STRADA: variants seen among roughly 807,000 people sequenced by gnomAD.
The protein encoded by STRADA is STE20 related adaptor alpha.
Under a neutral mutation model 55.0 loss-of-function variants are expected in STRADA, and 26 were observed. That is an observed-to-expected ratio of 0.47 (90% CI 0.35 to 0.66). The LOEUF (loss-of-function observed/expected upper bound fraction) is 0.66. Ranked by LOEUF, STRADA falls within the 30% of genes least tolerant of loss-of-function variation. The pLI is 0.01. For missense variants in STRADA, 443 were observed against 549.7 expected (o/e 0.81, Z 1.94); for synonymous variants, 197 against 210.9 (o/e 0.93, Z 0.57).
chr17:63,729,884 C>A (rs1454797123), intron 1 of STRADA, among the ~76,000 whole-genome samples: 1 of 150,886 alleles, frequency 6.6e-6, no homozygotes, highest in Non-Finnish European at 1.5e-5. Context: ...GTTGCCCAGG[C>A]TGAAGTGCAG....
intron 1 of STRADA, among the ~76,000 whole-genome samples, chr17:63,737,830 T>TA (rs1299677980): frequency 1.1e-4 from 17 of 151,152 alleles, no homozygotes; most frequent in African/African-American, 3.4e-4. Context: ...CTATAAAAAA[T>TA]AAAAAAACTG....
At position 63,730,397 on chromosome 17, in the gene STRADA, CT is replaced by C. The variant is rs551513709; in HGVS notation, c.-44-1985del. Among the ~76,000 whole-genome samples, 296 of 139,836 alleles carry C rather than the reference CT, an allele frequency of 2.1e-3. 2 individuals carry two copies. Among genetic ancestry groups the C allele is most frequent in the African/African-American group, 3.9e-3 (150 of 38,232 alleles). 91.7% of individuals were successfully genotyped at this position (139,836 alleles called of 152,430 possible). On this transcript the variant is annotated intron_variant, in intron 1 of 12. Transcript: ENST00000336174. ...TTTTAGGCCAGTTGCACTTAGTTGA[CT>C]TTTTTTTTTTTTTTTGAGGCGGGGT...
intron 1 of STRADA, among the ~76,000 whole-genome samples, chr17:63,736,631 A>G (rs2038444552): frequency 2.0e-5 from 3 of 149,366 alleles, no homozygotes; most frequent in Admixed American, 6.7e-5. Flanking sequence ...CTGCCCCAAG[A>G]AAAAAAAAAT....
intron 4 of STRADA, among the ~76,000 whole-genome samples, chr17:63,716,119 C>T (rs996338668): frequency 1.5e-4 from 22 of 142,574 alleles, no homozygotes; most frequent in Admixed American, 2.1e-4. Context: ...TTTTTTTAGA[C>T]GGAGTCTCAC....
Position 63,720,963 on chromosome 17 carries a change from G to C in STRADA, c.123+2335C>G, listed in dbSNP as rs557218813. ...TACAAAAAATTAGCTGGGTGTGGTG[G>C]CACATGTCTGTAATCCCAGCTACTT... On this transcript the variant is annotated intron_variant, in intron 4 of 12. Transcript: ENST00000336174. Among the ~76,000 whole-genome samples, 4 of 151,938 alleles carry C rather than the reference G, an allele frequency of 2.6e-5. No individual in the cohort carries two copies. The East Asian group carries it at 5.8e-4, about 22-fold the overall frequency.
At chr17:63,710,957 G>A (rs1331107723) in intron 6 of STRADA, 121 bp from the exon 7 acceptor site, 2 of 868,816 alleles carry the variant, frequency 2.3e-6, no homozygotes, top group East Asian at 2.6e-5. Flanking sequence ...TCAGAGTCAT[G>A]GGAACAGCCT....
At chr17:63,713,789 C>A (rs192688210) in intron 5 of STRADA, among the ~76,000 whole-genome samples, 2 of 152,168 alleles carry the variant, frequency 1.3e-5, no homozygotes, top group Non-Finnish European at 2.9e-5. Flanking sequence ...ATGGCAGCCA[C>A]AAAGGAAAGA....
At chr17:63,728,735 TAAAAA>T (rs36091754) in intron 1 of STRADA, among the ~76,000 whole-genome samples, 39,394 of 112,568 alleles carry the variant, frequency 0.35, 7,193 homozygotes, top group East Asian at 0.61. Flanking sequence ...CCCATCTCTA[TAAAAA>T]AAAAAAAAAA....
At chr17:63,740,377 TG>T (rs964973145) in intron 1 of STRADA, among the ~76,000 whole-genome samples, 12 of 151,048 alleles carry the variant, frequency 7.9e-5, no homozygotes, top group African/African-American at 2.9e-4. Flanking sequence ...CCAGGTGTGG[TG>T]GGGGGTGCCT....
At chr17:63,719,312 G>A (rs2037124889) in intron 4 of STRADA, among the ~76,000 whole-genome samples, 1 of 152,180 alleles carries the variant, frequency 6.6e-6, no homozygotes, top group African/African-American at 2.4e-5. Flanking sequence ...TGGCCTCAAT[G>A]AGAGGCAACT....
chr17:63,729,825 GTC>G (rs2037906820), intron 1 of STRADA, among the ~76,000 whole-genome samples: 9 of 150,034 alleles, frequency 6.0e-5, no homozygotes, highest in Admixed American at 6.0e-4. Flanking sequence ...AAAAAACCAT[GTC>G]TCTTTTCCTT....
rs530585509 is a variant in STRADA at position 63,726,684 on chromosome 17, C to T, written c.48G>A (p.Ser16=). The T allele has an allele frequency of 8.1e-6, 13 of 1,613,946 alleles. No individual in the cohort carries two copies. The highest frequency in any genetic ancestry group is 1.6e-4 in the Middle Eastern group (1 of 6,082). Residue 16 remains serine, a synonymous_variant, in exon 3 of 13, where the codon TCG becomes TCA. Coordinates refer to ENST00000336174, the MANE Select transcript of STRADA (RefSeq NM_001003787.4). ...SKPERIRRWV[S]EKFIVEGLRD... Reference sequence around the variant, plus strand: ...TTAAGCCCTCAACAATGAACTTTTCCGAGACCCACCGCTAAAGAGGAAAAC... The same window carrying T: ...TTAAGCCCTCAACAATGAACTTTTCTGAGACCCACCGCTAAAGAGGAAAAC...
chr17:63,704,533 C>T lies in STRADA; in HGVS notation c.908G>A (p.Ser303Asn), dbSNP rs1171315107. The T allele has an allele frequency of 6.3e-7, 1 of 1,575,314 alleles. No homozygotes were observed. The highest frequency in any genetic ancestry group is 8.6e-7 in the Non-Finnish European group (1 of 1,160,366). ...NGTVPCLLDT[S>N]TIPAEELTMS... ...GGTCAGCTCCTCAGCGGGGATGGTG[C>T]TGGTATCCAACAGGCAGGGCACTGT... Residue 303 changes from serine to asparagine, a missense_variant, in exon 11 of 13, where the codon AGC becomes AAC. Ser to Asn is a conservative substitution (Grantham distance 46, BLOSUM62 1). Coordinates refer to ENST00000336174, the MANE Select transcript of STRADA (RefSeq NM_001003787.4).
At chr17:63,726,857 TAAAAA>T in intron 2 of STRADA, 162 bp from the exon 3 acceptor site, 2 of 645,368 alleles carry the variant, frequency 3.1e-6, no homozygotes, top group Non-Finnish European at 5.3e-6. Context: ...AATCTTGAAC[TAAAAA>T]CAAGATTCCT....
intron 1 of STRADA, among the ~76,000 whole-genome samples, chr17:63,739,606 T>A (rs1275197446): frequency 6.6e-6 from 1 of 151,650 alleles, no homozygotes; most frequent in Non-Finnish European, 1.5e-5. Flanking sequence ...GAAAGATATA[T>A]CCACACTTAT....
chr17:63,704,856 T>A, intron 10 of STRADA: 1 of 1,535,936 alleles, frequency 6.5e-7, no homozygotes, highest in African/African-American at 1.4e-5. Context: ...GGCTCACAGT[T>A]TCCGCTCTCC....
At chr17:63,707,212 T>C (rs762447800) in intron 9 of STRADA, 35 bp downstream of exon 9, 3 of 1,606,842 alleles carry the variant, frequency 1.9e-6, no homozygotes, top group Non-Finnish European at 1.7e-6. Context: ...AATCATGAGT[T>C]GGGTAGGGGA....
chr17:63,721,708 G>A lies in STRADA; in HGVS notation c.123+1590C>T, dbSNP rs145789914. Among the ~76,000 whole-genome samples the A allele has an allele frequency of 4.7e-5, 7 of 149,822 alleles. No homozygotes were observed. In the East Asian group the frequency reaches 1.4e-3, roughly 29 times the overall value. ...CAGCCTGGGCAACAGAGTGAGATTCGGTCTCAAAAAAAAAAAAAAGAAAGA... is the reference window on the plus strand; with the variant it reads ...CAGCCTGGGCAACAGAGTGAGATTCAGTCTCAAAAAAAAAAAAAAGAAAGA... On this transcript the variant is annotated intron_variant, in intron 4 of 12. Coordinates refer to ENST00000336174, the MANE Select transcript of STRADA (RefSeq NM_001003787.4).
chr17:63,704,848 C>T (rs1212387224), intron 10 of STRADA: 11 of 1,535,796 alleles, frequency 7.2e-6, no homozygotes, highest in African/African-American at 1.4e-5. Flanking sequence ...GAAAGCAGGG[C>T]TCACAGTTTC....
Sources: allele counts gnomAD v4.1 joint callset (sites outside exome capture counted in the v4.1 genomes callset), GRCh38; gene constraint gnomAD v4.1.1; transcripts MANE v1.5; gene names NCBI Gene and HGNC (gene_info 2026-07-23, HGNC 2026-07-21).